The following MAP4K5 variants were observed in gnomAD, a reference collection of about 807,000 sequenced individuals.
The protein encoded by MAP4K5 is MAPK/ERK kinase kinase kinase 5.
A neutral mutation model predicts 135.6 loss-of-function variants in MAP4K5; 82 were observed. The observed-to-expected ratio is 0.60, with a 90% CI of 0.51 to 0.73. MAP4K5 has a LOEUF of 0.73. Among genes scored for constraint, MAP4K5 ranks in the 30% least tolerant of loss-of-function variants. The pLI is 0.00. For synonymous variants in MAP4K5, 347 were observed against 335.0 expected (o/e 1.04, Z -0.39); for missense variants, 907 against 1,010.9 (o/e 0.90, Z 1.39).
At chr14:50,443,018 T>C (rs1167170640) in intron 20 of MAP4K5, among the ~76,000 whole-genome samples, 1 of 152,164 alleles carries the variant, frequency 6.6e-6, no homozygotes, top group Non-Finnish European at 1.5e-5. Context: ...TGTAATCCAC[T>C]ATTTTATGGC....
At chr14:50,479,008 T>C (rs61403246) in intron 6 of MAP4K5, among the ~76,000 whole-genome samples, 1 of 2,410 alleles carries the variant, frequency 4.1e-4, no homozygotes, top group South Asian at 0.12. Context: ...TTTTTTCGTT[T>C]TTTTTTTTTT....
At position 50,518,119 on chromosome 14, in the gene MAP4K5, C is replaced by CA. The variant is rs200659481; in HGVS notation, c.109-13263dup. Among the ~76,000 whole-genome samples, 587 of 151,554 alleles carry CA rather than the reference C, an allele frequency of 3.9e-3. 3 individuals are homozygous for CA. The highest frequency in any genetic ancestry group is 0.013 in the African/African-American group (550 of 41,354). ...AGTTTTCTCTAGCAATTAAAACGTC[C>CA]AAAAAAAAGACCAACTACTTCCAAA... is the stretch of plus-strand genomic sequence containing the variant. On this transcript the variant is annotated intron_variant, in intron 2 of 32. Transcript: ENST00000682126.
At chr14:50,436,854 C>T (rs1595433415) in intron 26 of MAP4K5, among the ~76,000 whole-genome samples, 1 of 152,176 alleles carries the variant, frequency 6.6e-6, no homozygotes, top group East Asian at 1.9e-4. Context: ...CTATGTACTT[C>T]TTCCCTTGGC....
At chr14:50,464,496 G>T (rs926322918) in intron 11 of MAP4K5, among the ~76,000 whole-genome samples, 7 of 152,096 alleles carry the variant, frequency 4.6e-5, no homozygotes, top group Admixed American at 3.9e-4. Flanking sequence ...GAGTTGGACG[G>T]CACGAAAGGT....
chr14:50,480,150 T>C (rs1383885323), intron 6 of MAP4K5, among the ~76,000 whole-genome samples: 1 of 152,048 alleles, frequency 6.6e-6, no homozygotes, highest in East Asian at 1.9e-4. Context: ...TTCCTAAGCT[T>C]CATATTGGTT....
intron 5 of MAP4K5, among the ~76,000 whole-genome samples, chr14:50,483,641 A>G (rs1004944810): frequency 1.3e-5 from 2 of 151,408 alleles, no homozygotes; most frequent in African/African-American, 4.9e-5. Flanking sequence ...AATTCAACAA[A>G]TATCAGGTTT....
At chr14:50,455,183 C>T (rs1373235710) in intron 14 of MAP4K5, among the ~76,000 whole-genome samples, 1 of 149,600 alleles carries the variant, frequency 6.7e-6, no homozygotes, top group Non-Finnish European at 1.5e-5. Context: ...TGAATCCATA[C>T]TTCTTACCTT....
At chr14:50,426,719 G>C (rs1328299700) in intron 30 of MAP4K5, among the ~76,000 whole-genome samples, 1 of 152,138 alleles carries the variant, frequency 6.6e-6, no homozygotes, top group African/African-American at 2.4e-5. Context: ...GCGAGACTCC[G>C]TCTCAAACAA....
chr14:50,542,425 C>CA (rs1401482780), intron 2 of MAP4K5: 4 of 152,168 alleles, frequency 2.6e-5, no homozygotes, highest in African/African-American at 9.6e-5. Flanking sequence ...CAAACCTGCA[C>CA]ATTCTGTACA....
chr14:50,557,520 G>A (rs1220186990), intron 1 of MAP4K5, among the ~76,000 whole-genome samples: 1 of 152,070 alleles, frequency 6.6e-6, no homozygotes, highest in African/African-American at 2.4e-5. Flanking sequence ...AAGATCTTCT[G>A]TATTCTTTTT....
At chr14:50,461,607 A>G (rs2036712583) in intron 13 of MAP4K5, among the ~76,000 whole-genome samples, 1 of 152,026 alleles carries the variant, frequency 6.6e-6, no homozygotes, top group Admixed American at 6.6e-5. Flanking sequence ...TGATTTCCTG[A>G]CAAATTGTGT....
chr14:50,526,572 A>T (rs1268284159), intron 2 of MAP4K5, among the ~76,000 whole-genome samples: 1 of 152,220 alleles, frequency 6.6e-6, no homozygotes, highest in Non-Finnish European at 1.5e-5. Flanking sequence ...CTAGGATTAC[A>T]GGCGTGAGCC....
Position 50,532,362 on chromosome 14 carries a change from G to A in MAP4K5, c.-110+86C>T, listed in dbSNP as rs2038416424. On this transcript the variant is annotated intron_variant, in intron 1 of 32. Coordinates refer to ENST00000682126, the MANE Select transcript of MAP4K5 (RefSeq NM_006575.6). Reference sequence around the variant, plus strand: ...GGCCGCCCGCGAACTGCCCGACGAGGCCTCCCCGCCAGCCGGGGCCCAGGG... The same window carrying A: ...GGCCGCCCGCGAACTGCCCGACGAGACCTCCCCGCCAGCCGGGGCCCAGGG... 3 of 292,174 alleles carry A rather than the reference G, an allele frequency of 1.0e-5. No individual in the cohort carries two copies. In the Admixed American group the frequency reaches 1.6e-4, roughly 16 times the overall value. The allele number at this position is 292,174 out of a possible 1,614,324, so 18.1% of individuals were successfully genotyped here. A position where few individuals can be genotyped will look rare whatever the true frequency, so the allele number is the denominator to read the frequency against.
At chr14:50,481,816 A>C (rs1239299102) in intron 6 of MAP4K5, among the ~76,000 whole-genome samples, 3 of 152,214 alleles carry the variant, frequency 2.0e-5, no homozygotes, top group Non-Finnish European at 4.4e-5. Flanking sequence ...CAAACTTACA[A>C]AAAGAGATTC....
chr14:50,431,423 C>T (rs1186579641), intron 28 of MAP4K5, among the ~76,000 whole-genome samples: 1 of 152,092 alleles, frequency 6.6e-6, no homozygotes, highest in Non-Finnish European at 1.5e-5. Flanking sequence ...CCACAACAGT[C>T]CCCAGAGTGT....
chr14:50,547,033 G>A (rs2038642265), intron 1 of MAP4K5, among the ~76,000 whole-genome samples: 1 of 151,986 alleles, frequency 6.6e-6, no homozygotes, highest in South Asian at 2.1e-4. Context: ...CTCATAAGTG[G>A]GAGTTGAACA....
intron 31 of MAP4K5, among the ~76,000 whole-genome samples, chr14:50,425,092 A>C (rs2035817129): frequency 6.6e-6 from 1 of 152,244 alleles, no homozygotes; most frequent in African/African-American, 2.4e-5. Flanking sequence ...GCTTTAAGTA[A>C]GTTCACAAAC....
chr14:50,521,834 T>G (rs1349784300), intron 2 of MAP4K5, among the ~76,000 whole-genome samples: 1 of 152,166 alleles, frequency 6.6e-6, no homozygotes, highest in East Asian at 1.9e-4. Flanking sequence ...TCATCTACCC[T>G]CTCAAACTTG....
intron 9 of MAP4K5, among the ~76,000 whole-genome samples, chr14:50,474,295 T>C (rs2139866749): frequency 6.6e-6 from 1 of 151,542 alleles, no homozygotes; most frequent in Non-Finnish European, 1.5e-5. Context: ...GGGGCTGAAA[T>C]GGGAGGATCA....
Sources: gnomAD v4.1 joint callset for allele counts (sites outside exome capture counted in the v4.1 genomes callset) on GRCh38, gnomAD v4.1.1 for gene constraint, MANE v1.5 for transcripts, NCBI Gene and HGNC (gene_info 2026-07-23, HGNC 2026-07-21) for gene names.